The following RABGAP1L variants were observed in gnomAD, a reference collection of about 807,000 sequenced individuals.
The protein encoded by RABGAP1L is RAB GTPase activating protein 1 like, also known as rab GTPase-activating protein 1-like.
In RABGAP1L, 63 loss-of-function variants were observed where a neutral mutation model predicts 137.7. The observed-to-expected ratio is 0.46, with a 90% CI of 0.37 to 0.56. The LOEUF is 0.56. Among genes scored for constraint, RABGAP1L ranks in the 20% least tolerant of loss-of-function variants. The pLI, the probability that RABGAP1L is intolerant of heterozygous loss-of-function variation, is 0.00. For missense variants in RABGAP1L, 1,095 were observed against 1,244.0 expected, an observed-to-expected ratio of 0.88 and a Z score of 1.80; for synonymous variants, 431 against 433.7, an observed-to-expected ratio of 0.99 and a Z score of 0.08.
intron 13 of RABGAP1L, among the ~76,000 whole-genome samples, chr1:174,629,089 T>C (rs1169563364): frequency 2.6e-5 from 4 of 152,070 alleles, no homozygotes. Flanking sequence ...AGGAGAAAAA[T>C]TGTTTTGTTT....
chr1:174,779,384 G>A (rs1686776234), intron 18 of RABGAP1L, among the ~76,000 whole-genome samples: 1 of 152,122 alleles, frequency 6.6e-6, no homozygotes, highest in Admixed American at 6.5e-5. Flanking sequence ...TTATTTAGAT[G>A]TTTTGTATGT....
chr1:174,870,317 A>G (rs1162287078), intron 19 of RABGAP1L, among the ~76,000 whole-genome samples: 5 of 152,196 alleles, frequency 3.3e-5, no homozygotes, highest in Non-Finnish European at 1.5e-5. Context: ...CATCTTTTCC[A>G]TGAAGGCTTC....
intron 1 of RABGAP1L, among the ~76,000 whole-genome samples, chr1:174,161,092 T>C (rs1050466263): frequency 6.6e-6 from 1 of 152,172 alleles, no homozygotes; most frequent in African/African-American, 2.4e-5. Context: ...TGAGTTAGAC[T>C]GGTGTCTATA....
chr1:174,489,069 C>T (rs1572025104), intron 13 of RABGAP1L, among the ~76,000 whole-genome samples: 1 of 152,038 alleles, frequency 6.6e-6, no homozygotes, highest in African/African-American at 2.4e-5. Flanking sequence ...TTTCTAGCTT[C>T]ATCCATGTCG....
intron 11 of RABGAP1L, among the ~76,000 whole-genome samples, chr1:174,355,745 T>C (rs957232929): frequency 6.6e-6 from 1 of 152,210 alleles, no homozygotes; most frequent in Non-Finnish European, 1.5e-5. Context: ...ACGTTTTTAT[T>C]AATCACTTAT....
At chr1:174,818,767 G>T (rs1690698935) in intron 19 of RABGAP1L, among the ~76,000 whole-genome samples, 1 of 152,080 alleles carries the variant, frequency 6.6e-6, no homozygotes, top group South Asian at 2.1e-4. Context: ...CCAGCACTTT[G>T]GGAGGCTGAG....
chr1:174,653,852 T>A (rs1675758081), intron 14 of RABGAP1L, among the ~76,000 whole-genome samples: 1 of 152,242 alleles, frequency 6.6e-6, no homozygotes, highest in Non-Finnish European at 1.5e-5. Flanking sequence ...GTAGTACTAG[T>A]AACATTGTGT....
chr1:174,733,000 A>T (rs1254455086), intron 17 of RABGAP1L, among the ~76,000 whole-genome samples: 1 of 31,042 alleles, frequency 3.2e-5, no homozygotes, highest in Admixed American at 2.6e-4. Flanking sequence ...TTTAATTCTG[A>T]AAAAAAAACC....
intron 11 of RABGAP1L, among the ~76,000 whole-genome samples, chr1:174,328,036 G>T (rs1680707703): frequency 8.0e-6 from 1 of 124,950 alleles, no homozygotes; most frequent in Admixed American, 8.7e-5. Flanking sequence ...CCCAACATCA[G>T]AGCACTTAAA....
intron 11 of RABGAP1L, among the ~76,000 whole-genome samples, chr1:174,332,234 T>C (rs994032342): frequency 8.5e-5 from 13 of 152,170 alleles, no homozygotes; most frequent in Admixed American, 7.2e-4. Flanking sequence ...AAGTCCCAAA[T>C]GTGTAATTCA....
At chr1:174,953,036 A>C (rs772806459) in intron 19 of RABGAP1L, among the ~76,000 whole-genome samples, 87 of 49,592 alleles carry the variant, frequency 1.8e-3, no homozygotes, top group Middle Eastern at 0.011. Flanking sequence ...GGTGGCATGC[A>C]AAAAAAAAAA....
At chr1:174,645,909 G>T (rs1572664402) in intron 14 of RABGAP1L, among the ~76,000 whole-genome samples, 1 of 152,112 alleles carries the variant, frequency 6.6e-6, no homozygotes, top group East Asian at 1.9e-4. Flanking sequence ...TCTAACTGGT[G>T]TGAGATGGTA....
intron 13 of RABGAP1L, among the ~76,000 whole-genome samples, chr1:174,628,457 T>G (rs1673083015): frequency 6.6e-6 from 1 of 152,224 alleles, no homozygotes; most frequent in Non-Finnish European, 1.5e-5. Context: ...ATTAATAATT[T>G]TATTTATTTA....
chr1:174,816,285 TG>T (rs769890477), intron 19 of RABGAP1L, among the ~76,000 whole-genome samples: 13 of 151,384 alleles, frequency 8.6e-5, no homozygotes, highest in Non-Finnish European at 1.8e-4. Flanking sequence ...CCCGAGTAGC[TG>T]GGATTATAGG....
At chr1:174,676,959 G>C (rs1415363473) in intron 14 of RABGAP1L, among the ~76,000 whole-genome samples, 1 of 152,036 alleles carries the variant, frequency 6.6e-6, no homozygotes, top group Non-Finnish European at 1.5e-5. Flanking sequence ...TTATGTTAAA[G>C]TTGGACAAAT....
chr1:174,289,524 A>G (rs907893702), intron 10 of RABGAP1L, among the ~76,000 whole-genome samples: 50 of 152,328 alleles, frequency 3.3e-4, no homozygotes, highest in Middle Eastern at 6.8e-3. Flanking sequence ...AGTTTCCATT[A>G]GTGGTATCAT....
chr1:174,639,934 AT>A (rs1428273332), intron 14 of RABGAP1L, among the ~76,000 whole-genome samples: 2 of 152,302 alleles, frequency 1.3e-5, no homozygotes, highest in East Asian at 3.9e-4. Context: ...TGACTAAACC[AT>A]TTTAAAACTC....
At chr1:174,198,830 C>T (rs564936415) in intron 1 of RABGAP1L, among the ~76,000 whole-genome samples, 85 of 152,260 alleles carry the variant, frequency 5.6e-4, no homozygotes, top group Non-Finnish European at 1.1e-3. Context: ...GGGCCAGGGC[C>T]GGGCATGGTG....
chr1:174,668,115 G>A (rs1488581869), intron 14 of RABGAP1L, among the ~76,000 whole-genome samples: 1 of 152,096 alleles, frequency 6.6e-6, no homozygotes, highest in Non-Finnish European at 1.5e-5. Flanking sequence ...CCAAAAACCT[G>A]CCACCTAGAT....
Sources: allele counts gnomAD v4.1 joint callset (sites outside exome capture counted in the v4.1 genomes callset), GRCh38; gene constraint gnomAD v4.1.1; transcripts MANE v1.5; gene names NCBI Gene and HGNC (gene_info 2026-07-23, HGNC 2026-07-21).